The following TBC1D5 variants were observed in gnomAD, a reference collection of about 807,000 sequenced individuals.
TBC1D5 encodes the protein TBC1 domain family, member 5.
Under a neutral mutation model 100.3 loss-of-function variants are expected in TBC1D5, and 75 were observed. The observed-to-expected ratio is 0.75, with a 90% CI of 0.62 to 0.91. The LOEUF (loss-of-function observed/expected upper bound fraction) is 0.91. TBC1D5 is among the 40% of genes least tolerant of loss of function. TBC1D5 has a pLI of 0.00. For missense variants in TBC1D5, 910 were observed against 942.4 expected (o/e 0.97, Z 0.45); for synonymous variants, 323 against 325.6 (o/e 0.99, Z 0.09).
intron 18 of TBC1D5, among the ~76,000 whole-genome samples, chr3:17,201,270 T>C (rs747517760): frequency 1.3e-5 from 2 of 152,176 alleles, no homozygotes; most frequent in Non-Finnish European, 2.9e-5. Context: ...GCCCCTTCTC[T>C]AGGCAAATAT....
At chr3:17,589,505 G>A (rs2153558816) in intron 2 of TBC1D5, among the ~76,000 whole-genome samples, 1 of 152,260 alleles carries the variant, frequency 6.6e-6, no homozygotes, top group African/African-American at 2.4e-5. Context: ...GTTTTAAAAT[G>A]AGAATCTCCC....
intron 3 of TBC1D5, among the ~76,000 whole-genome samples, chr3:17,495,414 G>A (rs1338298447): frequency 1.3e-5 from 2 of 152,206 alleles, no homozygotes; most frequent in Admixed American, 6.5e-5. Context: ...TTAAATTAGA[G>A]TACTGAATTC....
intron 15 of TBC1D5, among the ~76,000 whole-genome samples, chr3:17,264,030 A>T (rs571911046): frequency 7.0e-4 from 106 of 152,118 alleles, no homozygotes; most frequent in Non-Finnish European, 1.0e-3. Flanking sequence ...GATGGTGAAC[A>T]ACTCCCCTTG....
intron 2 of TBC1D5, among the ~76,000 whole-genome samples, chr3:17,518,594 T>C (rs1245664037): frequency 6.6e-6 from 1 of 152,228 alleles, no homozygotes; most frequent in African/African-American, 2.4e-5. Flanking sequence ...CTTCAATTCA[T>C]TCTTGCAACC....
chr3:17,383,836 A>G, intron 9 of TBC1D5, 77 bp downstream of exon 9: 2 of 1,126,748 alleles, frequency 1.8e-6, no homozygotes, highest in Non-Finnish European at 2.6e-6. Context: ...TAAAGGCTAC[A>G]TTATTGCTCT....
Position 17,631,058 on chromosome 3 carries a change from A to AG in TBC1D5, c.-100-7146_-100-7145insC, listed in dbSNP as rs1199831030. On this transcript the variant is annotated intron_variant, in intron 1 of 21. Transcript: ENST00000253692. Reference sequence around the variant, plus strand: ...GACTCCGTCTCAAAAAAAAAAAAAAAAAAAGTTAGGCCTCCTGAACCAAAA... The same window carrying AG: ...GACTCCGTCTCAAAAAAAAAAAAAAAGAAAAGTTAGGCCTCCTGAACCAAAA... Among the ~76,000 whole-genome samples the AG allele has an allele frequency of 2.1e-4, 30 of 145,724 alleles. No individual in the cohort carries two copies. The South Asian group carries it at 4.1e-3, about 20-fold the overall frequency.
At chr3:17,596,069 T>C (rs1429409538) in intron 2 of TBC1D5, among the ~76,000 whole-genome samples, 2 of 152,096 alleles carry the variant, frequency 1.3e-5, no homozygotes, top group African/African-American at 4.8e-5. Flanking sequence ...TTTCATGGTA[T>C]AGAGAATGGC....
chr3:17,246,281 A>T (rs893528324), intron 16 of TBC1D5, among the ~76,000 whole-genome samples: 1 of 152,202 alleles, frequency 6.6e-6, no homozygotes, highest in Non-Finnish European at 1.5e-5. Flanking sequence ...GTTAAAGATG[A>T]CCTAACTAAA....
Position 17,337,404 on chromosome 3 carries a change from G to A in TBC1D5, c.996-29270C>T, listed in dbSNP as rs538181182. 3.3e-5 allele frequency: 5 copies of A among 152,124 alleles called. No homozygotes were observed. In the East Asian group the frequency reaches 7.7e-4, roughly 23 times the overall value. The allele number at this position is 152,124 out of a possible 1,614,324, so 9.4% of individuals were successfully genotyped here. ...CTCTGTTACGTTGTACTTGGTGAAC[G>A]GTTTTATTCTGTCTCACCAGTTTGG... On this transcript the variant is annotated intron_variant, in intron 13 of 21. Coordinates refer to ENST00000253692, the Ensembl canonical transcript of TBC1D5.
At chr3:17,238,248 T>C (rs1265386923) in exon 17 of TBC1D5, 1 of 1,614,052 alleles carries the variant, frequency 6.2e-7, no homozygotes, top group East Asian at 2.2e-5. Flanking sequence ...TTGGGGCCTC[T>C]GCTGAGGTCC....
chr3:17,728,087 C>T (rs899126090), intron 1 of TBC1D5, among the ~76,000 whole-genome samples: 9 of 152,032 alleles, frequency 5.9e-5, no homozygotes, highest in African/African-American at 2.2e-4. Context: ...AGTCAACATC[C>T]ACACCTTACA....
intron 1 of TBC1D5, among the ~76,000 whole-genome samples, chr3:17,710,116 G>C (rs956335127): frequency 6.6e-6 from 1 of 151,928 alleles, no homozygotes. Context: ...CAGTGTTTTA[G>C]GAAGATTAAT....
chr3:17,464,917 T>C (rs551042302), intron 3 of TBC1D5, among the ~76,000 whole-genome samples: 7 of 152,170 alleles, frequency 4.6e-5, no homozygotes, highest in African/African-American at 1.2e-4. Context: ...AAATTCATAT[T>C]TGAGTGATCA....
chr3:17,345,476 G>A (rs535370734), intron 13 of TBC1D5, among the ~76,000 whole-genome samples: 28 of 151,900 alleles, frequency 1.8e-4, no homozygotes, highest in Non-Finnish European at 3.2e-4. Context: ...TTGGTGGGAC[G>A]GTAAACTAGT....
At chr3:17,530,283 TA>T (rs1304039513) in intron 2 of TBC1D5, among the ~76,000 whole-genome samples, 1 of 142,210 alleles carries the variant, frequency 7.0e-6, no homozygotes, top group Non-Finnish European at 1.5e-5. Context: ...TGATCCAACC[TA>T]AAATGCGTAA....
At chr3:17,668,327 T>A (rs937490214) in intron 1 of TBC1D5, among the ~76,000 whole-genome samples, 6 of 151,856 alleles carry the variant, frequency 4.0e-5, no homozygotes, top group Non-Finnish European at 8.8e-5. Flanking sequence ...CATAACTTAA[T>A]ACCCGCTTAG....
At chr3:17,638,894 G>T (rs2064226334) in intron 1 of TBC1D5, among the ~76,000 whole-genome samples, 1 of 152,030 alleles carries the variant, frequency 6.6e-6, no homozygotes, top group Admixed American at 6.6e-5. Flanking sequence ...TAAAAATGGG[G>T]ATCCTCATAC....
exon 7 of TBC1D5, chr3:17,404,730 A>G (rs758805264): frequency 4.5e-5 from 72 of 1,608,176 alleles, no homozygotes; most frequent in Non-Finnish European, 6.1e-5. Flanking sequence ...TGATCATCAA[A>G]TCTTGTTGGC....
intron 2 of TBC1D5, among the ~76,000 whole-genome samples, chr3:17,553,591 A>G (rs2153454943): frequency 6.6e-6 from 1 of 152,330 alleles, no homozygotes; most frequent in South Asian, 2.1e-4. Flanking sequence ...TTTGACACAA[A>G]GTCGTTTTTG....
Sources: allele counts gnomAD v4.1 joint callset (sites outside exome capture counted in the v4.1 genomes callset), GRCh38; gene constraint gnomAD v4.1.1; transcripts MANE v1.5; gene names NCBI Gene and HGNC (gene_info 2026-07-23, HGNC 2026-07-21).